The following PTPN5 variants were observed in gnomAD, a reference collection of about 807,000 sequenced individuals.
PTPN5 encodes the protein tyrosine-protein phosphatase non-receptor type 5.
Under a neutral mutation model 73.9 loss-of-function variants are expected in PTPN5, and 29 were observed. That is an observed-to-expected ratio of 0.39 (90% CI 0.29 to 0.54). PTPN5 has a LOEUF of 0.54. Among genes scored for constraint, PTPN5 ranks in the 20% least tolerant of loss-of-function variants. PTPN5 has a pLI of 0.65. For synonymous variants in PTPN5, 267 were observed against 304.7 expected (o/e 0.88, Z 1.29); for missense variants, 652 against 751.4 (o/e 0.87, Z 1.55).
intron 1 of PTPN5, among the ~76,000 whole-genome samples, chr11:18,791,308 C>G (rs1851912569): frequency 6.6e-6 from 1 of 152,210 alleles, no homozygotes; most frequent in African/African-American, 2.4e-5. Context: ...CGCTCCCTCC[C>G]GGCTACCAAG....
chr11:18,760,676 G>C (rs1261300014), intron 3 of PTPN5, among the ~76,000 whole-genome samples: 6 of 152,244 alleles, frequency 3.9e-5, no homozygotes, highest in Non-Finnish European at 7.3e-5. Flanking sequence ...GGTAGGGATT[G>C]TCATGGCTCC....
At chr11:18,756,932 A>C (rs544790401) in intron 3 of PTPN5, among the ~76,000 whole-genome samples, 10 of 132,616 alleles carry the variant, frequency 7.5e-5, no homozygotes, top group South Asian at 2.6e-4. Context: ...AAAAAAAAAA[A>C]AAAACCAAAA....
At chr11:18,759,280 T>C (rs1301892067) in intron 3 of PTPN5, among the ~76,000 whole-genome samples, 1 of 152,244 alleles carries the variant, frequency 6.6e-6, no homozygotes, top group Admixed American at 6.5e-5. Flanking sequence ...TTTACGTCCA[T>C]GAACTCAATT....
chr11:18,783,401 T>C (rs1260403224), intron 1 of PTPN5, among the ~76,000 whole-genome samples: 1 of 152,208 alleles, frequency 6.6e-6, no homozygotes, highest in Non-Finnish European at 1.5e-5. Flanking sequence ...CACAGCTGAC[T>C]TGCGTGAAAA....
chr11:18,742,590 C>CA lies in PTPN5; in HGVS notation c.484-88dup. On this transcript the variant is annotated intron_variant, in intron 6 of 14. Transcript: ENST00000358540. This position sits in a 1 kb window ranked among gnomAD's most constrained non-coding sequence, Gnocchi z 4.1. ...AGTGCCCATGGGATTGACGCCCCCC[C>CA]ACTCCCTCAGTGTGTCTAGAGCAGC... 1 of 1,546,634 alleles carries CA rather than the reference C, an allele frequency of 6.5e-7. No individual in the cohort carries two copies. Among genetic ancestry groups the CA allele is most frequent in the South Asian group, 1.2e-5 (1 of 81,584 alleles).
At chr11:18,790,254 C>A (rs768187003) in intron 1 of PTPN5, among the ~76,000 whole-genome samples, 1 of 152,086 alleles carries the variant, frequency 6.6e-6, no homozygotes, top group Non-Finnish European at 1.5e-5. Context: ...CTGCCCTTAA[C>A]GAGCCCCAAG....
chr11:18,738,645 C>T (rs1045200178), intron 8 of PTPN5, among the ~76,000 whole-genome samples: 3 of 152,134 alleles, frequency 2.0e-5, no homozygotes, highest in Admixed American at 2.0e-4. Flanking sequence ...CTGGTCTCCC[C>T]TACCCCCATC....
intron 2 of PTPN5, among the ~76,000 whole-genome samples, chr11:18,770,381 A>G (rs1423458258): frequency 6.6e-6 from 1 of 152,162 alleles, no homozygotes; most frequent in Non-Finnish European, 1.5e-5. Context: ...ATTTCATATA[A>G]ATGGAATCAT....
At chr11:18,741,565 A>C (rs1047812657) in intron 7 of PTPN5, among the ~76,000 whole-genome samples, 1 of 152,166 alleles carries the variant, frequency 6.6e-6, no homozygotes, top group Admixed American at 6.5e-5. Context: ...ATTTGGTGTG[A>C]TCTGGCTCAC....
Position 18,771,917 on chromosome 11 carries a change from G to A in PTPN5, c.20+22C>T, listed in dbSNP as rs376089857. 1.8e-5 allele frequency: 28 copies of A among 1,599,176 alleles called. No individual in the cohort carries two copies. The Middle Eastern group carries it at 9.9e-4, about 57-fold the overall frequency. ...CTCCTCAGTGGGCGGGTTGCAGGGGGACGGCGTAAACGCTCACTCACCTGG... is the reference window on the plus strand; with the variant it reads ...CTCCTCAGTGGGCGGGTTGCAGGGGAACGGCGTAAACGCTCACTCACCTGG... On this transcript the variant is annotated intron_variant, in intron 2 of 14. Transcript: ENST00000358540.
intron 12 of PTPN5, chr11:18,730,600 G>A (rs1196269326): frequency 1.3e-5 from 2 of 152,494 alleles, no homozygotes; most frequent in East Asian, 3.8e-4. Context: ...GCCACGTGAG[G>A]ACATGACCCT....
chr11:18,746,780 G>A (rs1480965726), intron 3 of PTPN5, among the ~76,000 whole-genome samples: 1 of 152,244 alleles, frequency 6.6e-6, no homozygotes, highest in East Asian at 1.9e-4. Flanking sequence ...TCAGATCCTG[G>A]GAGCAAGGTG....
At chr11:18,761,411 A>G (rs933076507) in intron 3 of PTPN5, among the ~76,000 whole-genome samples, 5 of 152,174 alleles carry the variant, frequency 3.3e-5, no homozygotes, top group African/African-American at 1.2e-4. Context: ...TGCAAATGTG[A>G]ACACCTACAC....
intron 1 of PTPN5, among the ~76,000 whole-genome samples, chr11:18,782,391 C>T (rs1023407790): frequency 6.6e-6 from 1 of 152,054 alleles, no homozygotes; most frequent in Non-Finnish European, 1.5e-5. Context: ...CCATGCCCAG[C>T]TAATTTTTGT....
At chr11:18,768,193 A>C (rs1282561331) in intron 2 of PTPN5, among the ~76,000 whole-genome samples, 2 of 152,262 alleles carry the variant, frequency 1.3e-5, no homozygotes, top group East Asian at 1.9e-4. Flanking sequence ...CACAGCCATC[A>C]TCTGAGCTGC....
chr11:18,770,931 G>C (rs1341252863), intron 2 of PTPN5, among the ~76,000 whole-genome samples: 1 of 152,172 alleles, frequency 6.6e-6, no homozygotes, highest in Non-Finnish European at 1.5e-5. Context: ...CTCTGCCTGG[G>C]GGGTAGAGTG....
chr11:18,768,446 C>A (rs1850733106), intron 2 of PTPN5, among the ~76,000 whole-genome samples: 1 of 152,170 alleles, frequency 6.6e-6, no homozygotes, highest in Admixed American at 6.5e-5. Context: ...CTAACGAGCA[C>A]CTAGCTGGAT....
intron 1 of PTPN5, among the ~76,000 whole-genome samples, chr11:18,777,665 G>A (rs185829419): frequency 6.6e-6 from 1 of 152,246 alleles, no homozygotes; most frequent in African/African-American, 2.4e-5. Flanking sequence ...AATAATGTAG[G>A]CCAGGCATGG....
chr11:18,785,594 TAC>T (rs1263853487), intron 1 of PTPN5, among the ~76,000 whole-genome samples: 3 of 152,220 alleles, frequency 2.0e-5, no homozygotes, highest in African/African-American at 7.2e-5. Context: ...GATGATGAAA[TAC>T]ACACATTGTT....
Sources: allele counts gnomAD v4.1 joint callset (sites outside exome capture counted in the v4.1 genomes callset), GRCh38; gene constraint gnomAD v4.1.1; non-coding constraint Gnocchi (gnomAD v3.1); transcripts MANE v1.5; gene names NCBI Gene and HGNC (gene_info 2026-07-23, HGNC 2026-07-21).